CDYL: variants seen among roughly 807,000 people sequenced by gnomAD.
CDYL encodes chromodomain Y like.
A neutral mutation model predicts 47.3 loss-of-function variants in CDYL; 8 were observed. The ratio of observed to expected loss-of-function variants is 0.17; its 90% CI spans 0.10 to 0.31. The LOEUF is 0.31. Ranked by LOEUF, CDYL falls within the 10% of genes least tolerant of loss-of-function variation. The probability of loss-of-function intolerance (pLI) is 1.00; values close to 1 mark genes in which losing one functional copy is unlikely to be tolerated. For missense variants in CDYL, 471 were observed against 701.4 expected (o/e 0.67, Z 3.71); for synonymous variants, 266 against 265.0 (o/e 1.00, Z -0.04).
At chr6:4,785,236 G>A (rs1248829843) in intron 1 of CDYL, among the ~76,000 whole-genome samples, 3 of 152,182 alleles carry the variant, frequency 2.0e-5, no homozygotes, top group African/African-American at 4.8e-5. Context: ...TGTGAGGTTC[G>A]CACAGCAGTG....
chr6:4,853,155 G>GTCC (rs1351479463), intron 1 of CDYL, among the ~76,000 whole-genome samples: 3 of 152,062 alleles, frequency 2.0e-5, no homozygotes, highest in African/African-American at 4.8e-5. Flanking sequence ...ACACAGTAAG[G>GTCC]TAGCCAAGGC....
intron 2 of CDYL, among the ~76,000 whole-genome samples, chr6:4,921,121 A>G (rs1284241088): frequency 6.6e-6 from 1 of 152,194 alleles, no homozygotes; most frequent in East Asian, 1.9e-4. Context: ...AGGGAAGGTC[A>G]GTTTCAGCTT....
intron 2 of CDYL, among the ~76,000 whole-genome samples, chr6:4,900,744 T>G (rs1420967028): frequency 1.5e-5 from 2 of 136,178 alleles, no homozygotes; most frequent in Non-Finnish European, 3.1e-5. Flanking sequence ...AATTGACTGT[T>G]TGCATTCATT....
chr6:4,734,036 C>T (rs529749408), intron 2 of CDYL, among the ~76,000 whole-genome samples: 1 of 152,156 alleles, frequency 6.6e-6, no homozygotes, highest in East Asian at 1.9e-4. Context: ...GATGGGGTTT[C>T]ACCATGTTGG....
intron 1 of CDYL, among the ~76,000 whole-genome samples, chr6:4,778,000 A>G (rs1260936781): frequency 2.6e-5 from 4 of 152,182 alleles, no homozygotes; most frequent in Admixed American, 6.5e-5. Flanking sequence ...CTTTTCAACC[A>G]TTTTACACAT....
chr6:4,836,528 T>C (rs952579520), intron 1 of CDYL, among the ~76,000 whole-genome samples: 9 of 152,156 alleles, frequency 5.9e-5, no homozygotes, highest in Non-Finnish European at 1.0e-4. Flanking sequence ...CTCACCAGCC[T>C]CTCCCCTCTC....
intron 2 of CDYL, among the ~76,000 whole-genome samples, chr6:4,725,404 G>A (rs575908943): frequency 2.6e-5 from 4 of 152,338 alleles, no homozygotes; most frequent in South Asian, 4.1e-4. Context: ...GGGAGGCTCC[G>A]GCGGCGTAGG....
intron 3 of CDYL, chr6:4,734,861 C>G: frequency 1.2e-6 from 2 of 1,613,632 alleles, no homozygotes; most frequent in Non-Finnish European, 1.7e-6. Context: ...CTTGGTTTCT[C>G]CCAGTGGCAA....
At chr6:4,708,581 T>C (rs971879121) in intron 1 of CDYL, among the ~76,000 whole-genome samples, 9 of 152,250 alleles carry the variant, frequency 5.9e-5, no homozygotes, top group Admixed American at 3.3e-4. Context: ...TGGTAGGTGT[T>C]ATATGTTTAT....
At chr6:4,809,620 T>C (rs1452647647) in intron 1 of CDYL, among the ~76,000 whole-genome samples, 1 of 150,632 alleles carries the variant, frequency 6.6e-6, no homozygotes, top group Admixed American at 6.6e-5. Context: ...AGGGGTATTA[T>C]ATTAGTCCTT....
At chr6:4,786,422 C>T (rs1052936199) in intron 1 of CDYL, among the ~76,000 whole-genome samples, 2 of 152,040 alleles carry the variant, frequency 1.3e-5, no homozygotes, top group African/African-American at 4.8e-5. Flanking sequence ...GAAGCAGAGA[C>T]GGACTGTGTT....
intron 1 of CDYL, among the ~76,000 whole-genome samples, chr6:4,832,394 A>T (rs1484123328): frequency 6.6e-6 from 1 of 151,150 alleles, no homozygotes; most frequent in South Asian, 2.1e-4. Flanking sequence ...ATTTGCGTAT[A>T]TTGAACCAGT....
intron 5 of CDYL, among the ~76,000 whole-genome samples, chr6:4,944,027 A>G (rs138630362): frequency 6.6e-6 from 1 of 152,304 alleles, no homozygotes; most frequent in Non-Finnish European, 1.5e-5. Context: ...CCAACCAACA[A>G]TTTGCAATTG....
intron 1 of CDYL, among the ~76,000 whole-genome samples, chr6:4,823,520 T>TA (rs1185682615): frequency 6.6e-6 from 1 of 152,198 alleles, no homozygotes; most frequent in African/African-American, 2.4e-5. Context: ...TTTAAGTATA[T>TA]AATTCCCTGA....
At chr6:4,896,468 C>T (rs1278836197) in intron 2 of CDYL, among the ~76,000 whole-genome samples, 2 of 152,126 alleles carry the variant, frequency 1.3e-5, no homozygotes, top group Non-Finnish European at 2.9e-5. Context: ...AATGGGTGCG[C>T]ATGGAAGACA....
intron 1 of CDYL, among the ~76,000 whole-genome samples, chr6:4,874,376 G>A (rs767405240): frequency 3.3e-5 from 5 of 152,210 alleles, no homozygotes; most frequent in African/African-American, 7.2e-5. Context: ...CAGCGTTGGC[G>A]TTAGGGTTGG....
intron 2 of CDYL, among the ~76,000 whole-genome samples, chr6:4,921,256 A>G (rs975796892): frequency 2.0e-5 from 3 of 152,220 alleles, no homozygotes; most frequent in Non-Finnish European, 4.4e-5. Flanking sequence ...GACATGGAAT[A>G]CTAGTGACTA....
intron 1 of CDYL, among the ~76,000 whole-genome samples, chr6:4,852,981 A>C (rs764933366): frequency 1.3e-5 from 2 of 152,026 alleles, no homozygotes; most frequent in African/African-American, 4.8e-5. Context: ...GTAGAGAAGA[A>C]GTCTTGCTTT....
At chr6:4,801,372 G>A (rs931283271) in intron 1 of CDYL, among the ~76,000 whole-genome samples, 18 of 152,140 alleles carry the variant, frequency 1.2e-4, no homozygotes, top group African/African-American at 2.2e-4. Flanking sequence ...CTTGGAATCA[G>A]TTTCTGTTGA....
Sources: gnomAD v4.1 joint callset for allele counts (sites outside exome capture counted in the v4.1 genomes callset) on GRCh38, gnomAD v4.1.1 for gene constraint, MANE v1.5 for transcripts, NCBI Gene and HGNC (gene_info 2026-07-23, HGNC 2026-07-21) for gene names.